The following AHR variants were observed in gnomAD, a reference collection of about 807,000 sequenced individuals.
AHR encodes the protein AH-receptor.
A neutral mutation model predicts 86.8 loss-of-function variants in AHR; 40 were observed. That is an observed-to-expected ratio of 0.46 (90% CI 0.36 to 0.60). The LOEUF (loss-of-function observed/expected upper bound fraction) is 0.60, where lower values mean the gene tolerates loss of function less well. Among genes scored for constraint, AHR ranks in the 20% least tolerant of loss-of-function variants. AHR has a pLI of 0.00. For missense variants in AHR, 1,001 were observed against 1,011.6 expected (o/e 0.99, Z 0.14); for synonymous variants, 398 against 354.9 (o/e 1.12, Z -1.37).
At position 17,345,999 on chromosome 7, in the gene AHR, A is replaced by G. The variant is rs1782480076; in HGVS notation, c.*2935A>G. On this transcript the variant is annotated 3_prime_UTR_variant, in exon 11 of 11. Coordinates refer to ENST00000242057, the MANE Select transcript of AHR (RefSeq NM_001621.5). The stretch of plus-strand genomic sequence containing the variant: ...CAAACTAGTGTTTTTCGATGTTACT[A>G]AATTTTAGGTAAATGCTTTCATGGC... 1 of 152,734 alleles carries G rather than the reference A, an allele frequency of 6.5e-6. No individual in the cohort carries two copies. The allele number at this position is 152,734 out of a possible 1,614,324, so 9.5% of individuals were successfully genotyped here.
At chr7:17,330,634 A>G in intron 5 of AHR, 122 bp from the exon 6 acceptor site, 1 of 833,128 alleles carries the variant, frequency 1.2e-6, no homozygotes, top group Non-Finnish European at 1.7e-6. Flanking sequence ...TCTTTTGAAA[A>G]TGATTTTTTT....
At chr7:17,337,509 C>G (rs559468662) in intron 9 of AHR, among the ~76,000 whole-genome samples, 28 of 145,912 alleles carry the variant, frequency 1.9e-4, no homozygotes, top group Non-Finnish European at 3.6e-4. Context: ...GAGTCTCGCT[C>G]TGTCGCCCAG....
chr7:17,338,362 A>G (rs558859798), intron 9 of AHR, among the ~76,000 whole-genome samples: 2 of 151,388 alleles, frequency 1.3e-5, no homozygotes, highest in African/African-American at 2.4e-5. Flanking sequence ...TTTTTTTATT[A>G]TTATTATTTT....
chr7:17,329,973 G>T lies in AHR; in HGVS notation c.472G>T (p.Val158Leu). ...TTAGTCTGATGTCATACATCAGAGTGTATATGAACTTATCCATACCGAAGA... is the reference window on the plus strand; with the variant it reads ...TTAGTCTGATGTCATACATCAGAGTTTATATGAACTTATCCATACCGAAGA... ...FQQSDVIHQSVYELIHTEDRA... is the reference protein window; with the variant it reads ...FQQSDVIHQSLYELIHTEDRA... The change falls in exon 5 of 11, where the codon GTA (valine) becomes TTA (leucine). Residue 158 changes from valine to leucine, a missense_variant. This residue lies in a region of AHR where 394 missense variants were observed against 468.5 expected (regional missense o/e 0.84). Coordinates refer to ENST00000242057, the MANE Select transcript of AHR (RefSeq NM_001621.5). The T allele has an allele frequency of 6.2e-7, 1 of 1,610,448 alleles. No individual in the cohort carries two copies. Among genetic ancestry groups the T allele is most frequent in the East Asian group, 2.2e-5 (1 of 44,826 alleles).
Position 17,331,565 on chromosome 7 carries a change from A to G in AHR, c.705+679A>G, listed in dbSNP as rs78540851. On this transcript the variant is annotated intron_variant, in intron 6 of 10. Transcript: ENST00000242057. ...CTTTTTTAATAGGAGGATGCTTACCATCTTGGGATTGAATGCCTGCTAGAC... is the reference window on the plus strand; with the variant it reads ...CTTTTTTAATAGGAGGATGCTTACCGTCTTGGGATTGAATGCCTGCTAGAC... Among the ~76,000 whole-genome samples the G allele has an allele frequency of 2.4e-3, 366 of 152,022 alleles. 2 individuals are homozygous for G. The highest frequency in any genetic ancestry group is 8.5e-3 in the African/African-American group (354 of 41,540).
chr7:17,323,467 T>A (rs1161716563), intron 3 of AHR, among the ~76,000 whole-genome samples: 2 of 151,926 alleles, frequency 1.3e-5, no homozygotes, highest in African/African-American at 4.8e-5. Context: ...TTTTTTACTC[T>A]TTTTTTTAGA....
At chr7:17,302,236 G>C (rs1284418002) in intron 1 of AHR, among the ~76,000 whole-genome samples, 4 of 152,016 alleles carry the variant, frequency 2.6e-5, no homozygotes, top group Non-Finnish European at 4.4e-5. Context: ...AATGATACCA[G>C]CTGTAGTGGT....
intron 1 of AHR, among the ~76,000 whole-genome samples, chr7:17,300,614 T>C (rs1415202417): frequency 2.0e-5 from 3 of 152,320 alleles, no homozygotes; most frequent in South Asian, 4.1e-4. Flanking sequence ...TGGTACAGTG[T>C]GTCTTAAGGG....
At chr7:17,337,585 C>A (rs183774353) in intron 9 of AHR, among the ~76,000 whole-genome samples, 1 of 150,874 alleles carries the variant, frequency 6.6e-6, no homozygotes, top group Non-Finnish European at 1.5e-5. Context: ...CGCCATTCTC[C>A]TGCCTCAGCC....
intron 2 of AHR, among the ~76,000 whole-genome samples, chr7:17,311,392 T>C (rs761595636): frequency 9.9e-5 from 15 of 152,192 alleles, no homozygotes; most frequent in Non-Finnish European, 2.1e-4. Context: ...ATGATGCTGA[T>C]CCTGCTGGTC....
rs1414407231 is a variant in AHR at position 17,345,798 on chromosome 7, CCAAA to C, written c.*2739_*2742del. 1.3e-5 allele frequency: 2 copies of C among 152,582 alleles called. No individual in the cohort carries two copies. The highest frequency in any genetic ancestry group is 4.8e-5 in the African/African-American group (2 of 41,418). 9.5% of individuals were successfully genotyped at this position (152,582 alleles called of 1,614,324 possible). A position where few individuals can be genotyped will look rare whatever the true frequency, so the allele number is the denominator to read the frequency against. ...ACACGTTTGTCTGTATTGTTAAGTG[CCAAA>C]CAAAGGATACTTAGTGCACTGCTAC... On this transcript the variant is annotated 3_prime_UTR_variant, in exon 11 of 11. Coordinates refer to ENST00000242057, the MANE Select transcript of AHR (RefSeq NM_001621.5).
intron 1 of AHR, among the ~76,000 whole-genome samples, chr7:17,304,181 A>G (rs562328135): frequency 1.3e-5 from 2 of 152,228 alleles, no homozygotes; most frequent in South Asian, 4.1e-4. Flanking sequence ...GGCACATCTT[A>G]AGTATAGCAT....
In AHR at chr7:17,343,078, T is replaced by C; in HGVS notation, c.*14T>C. On this transcript the variant is annotated 3_prime_UTR_variant, in exon 11 of 11. Transcript: ENST00000242057. The stretch of plus-strand genomic sequence containing the variant: ...GGATTCCTGTAATTCCAAGCCCAAT[T>C]TTGACCCTGGTTTTTGGATTAAATT... 1 of 1,613,236 alleles carries C rather than the reference T, an allele frequency of 6.2e-7. No homozygotes were observed. The highest frequency in any genetic ancestry group is 8.5e-7 in the Non-Finnish European group (1 of 1,179,566).
At chr7:17,301,044 ATACT>A (rs1290373793) in intron 1 of AHR, among the ~76,000 whole-genome samples, 2 of 152,086 alleles carry the variant, frequency 1.3e-5, no homozygotes, top group East Asian at 1.9e-4. Context: ...TCCTAATATT[ATACT>A]TACTTAGTTT....
At chr7:17,327,596 T>C (rs1369566110) in intron 3 of AHR, among the ~76,000 whole-genome samples, 163 bp from the exon 4 acceptor site, 1 of 151,966 alleles carries the variant, frequency 6.6e-6, no homozygotes, top group East Asian at 1.9e-4. Flanking sequence ...AAGGTATGAA[T>C]AGATATTTCT....
chr7:17,342,013 C>T (rs1330606650), intron 10 of AHR, among the ~76,000 whole-genome samples: 1 of 152,092 alleles, frequency 6.6e-6, no homozygotes, highest in African/African-American at 2.4e-5. Context: ...ATTGAAGATA[C>T]AGGTTATATG....
intron 2 of AHR, among the ~76,000 whole-genome samples, chr7:17,313,350 G>A (rs944072355): frequency 6.6e-6 from 1 of 152,138 alleles, no homozygotes; most frequent in Non-Finnish European, 1.5e-5. Flanking sequence ...GTATAGCGAA[G>A]CGAAGGGAAG....
At chr7:17,299,662 G>T (rs1370452690) in intron 1 of AHR, among the ~76,000 whole-genome samples, 1 of 152,224 alleles carries the variant, frequency 6.6e-6, no homozygotes, top group African/African-American at 2.4e-5. Context: ...GGATTAGTTA[G>T]TATAAACCTG....
intron 9 of AHR, among the ~76,000 whole-genome samples, chr7:17,338,077 T>C (rs1444972721): frequency 1.3e-5 from 2 of 151,166 alleles, no homozygotes; most frequent in Non-Finnish European, 3.0e-5. Flanking sequence ...CGGGCGCCTG[T>C]AGTCCCAGCT....
Sources: allele counts gnomAD v4.1 joint callset (sites outside exome capture counted in the v4.1 genomes callset), GRCh38; gene constraint gnomAD v4.1.1; regional missense constraint gnomAD v4.1.1; transcripts MANE v1.5; gene names NCBI Gene and HGNC (gene_info 2026-07-23, HGNC 2026-07-21).